The following MYH9 variants were observed in gnomAD, a reference collection of about 807,000 sequenced individuals.
MYH9 encodes myosin-9.
In MYH9, 29 loss-of-function variants were observed where a neutral mutation model predicts 241.9. That is an observed-to-expected ratio of 0.12 (90% CI 0.09 to 0.16). The LOEUF (loss-of-function observed/expected upper bound fraction) is 0.16. Among genes scored for constraint, MYH9 ranks in the 10% least tolerant of loss-of-function variants. The probability of loss-of-function intolerance (pLI) is 1.00; values close to 1 mark genes in which losing one functional copy is unlikely to be tolerated. For missense variants in MYH9, 1,803 were observed against 2,595.5 expected, an observed-to-expected ratio of 0.69 and a Z score of 6.63; for synonymous variants, 1,047 against 1,062.6, an observed-to-expected ratio of 0.99 and a Z score of 0.29.
At chr22:36,340,722 G>T (rs899694394) in intron 3 of MYH9, among the ~76,000 whole-genome samples, 1 of 152,026 alleles carries the variant, frequency 6.6e-6, no homozygotes, top group South Asian at 2.1e-4. Flanking sequence ...GGGGAGAGGT[G>T]AGGTAGGAAC....
chr22:36,328,658 T>C (rs992989662), intron 3 of MYH9, among the ~76,000 whole-genome samples: 2 of 152,248 alleles, frequency 1.3e-5, no homozygotes, highest in Admixed American at 1.3e-4. Context: ...AAACGGTTGC[T>C]GTCTATACCG....
intron 24 of MYH9, 96 bp downstream of exon 24, chr22:36,298,823 G>T: frequency 6.4e-7 from 1 of 1,573,484 alleles, no homozygotes; most frequent in East Asian, 2.2e-5. Flanking sequence ...CGTGAGCTGA[G>T]AAGGCCTCGG....
rs56327920 is a variant in MYH9, at chr22:36,285,117, G to C, written c.5483+4C>G. Reference sequence around the variant, plus strand: ...TGGGGTTGGGCGGGGCCAGGGGCACGTACTTGGTCTCGTTGTCCAGCTGCT... The same window carrying C: ...TGGGGTTGGGCGGGGCCAGGGGCACCTACTTGGTCTCGTTGTCCAGCTGCT... On this transcript the variant is annotated splice_donor_region_variant and intron_variant, in intron 38 of 40. Coordinates refer to ENST00000216181, the MANE Select transcript of MYH9 (RefSeq NM_002473.6). The surrounding 1 kb of genome is among the most constrained non-coding windows in gnomAD (Gnocchi z 7.0). 32,323 of 1,613,594 alleles carry C rather than the reference G, an allele frequency of 0.02. 387 individuals carry two copies. The highest frequency in any genetic ancestry group is 0.023 in the Non-Finnish European group (27,636 of 1,179,862).
chr22:36,325,217 T>C, intron 5 of MYH9: 1 of 672,718 alleles, frequency 1.5e-6, no homozygotes, highest in Admixed American at 2.6e-5. Flanking sequence ...ACTGTATTAG[T>C]TTCTAAATAT....
chr22:36,301,690 A>T, intron 20 of MYH9, 25 bp from the exon 21 acceptor site: 1 of 1,611,186 alleles, frequency 6.2e-7, no homozygotes, highest in Non-Finnish European at 8.5e-7. Flanking sequence ...AGAGGTAGAG[A>T]CATGCTCGGC....
At chr22:36,302,235 T>C (rs2016889721) in intron 20 of MYH9, 3 of 282,226 alleles carry the variant, frequency 1.1e-5, no homozygotes, top group Non-Finnish European at 2.1e-5. Context: ...TTTTCGCCAT[T>C]ACCATAAATT....
At chr22:36,365,450 A>C (rs2146410410) in intron 1 of MYH9, among the ~76,000 whole-genome samples, 1 of 152,104 alleles carries the variant, frequency 6.6e-6, no homozygotes, top group South Asian at 2.1e-4. Flanking sequence ...CATTTATCTT[A>C]AGCTGTAATT....
intron 3 of MYH9, among the ~76,000 whole-genome samples, chr22:36,339,894 G>C (rs575688243): frequency 1.3e-5 from 2 of 152,138 alleles, no homozygotes; most frequent in South Asian, 4.1e-4. Context: ...AAAGAAACGT[G>C]TAAACACTGC....
chr22:36,296,824 G>A lies in MYH9; in HGVS notation c.3272+19C>T, dbSNP rs984743795. On this transcript the variant is annotated intron_variant, in intron 25 of 40. Coordinates refer to ENST00000216181, the MANE Select transcript of MYH9 (RefSeq NM_002473.6). ...TGGCCCAGGCCACCTGGCCTCAGGC[G>A]GGCAGGCGGGGTCCTCACCTGGCCA... 9.4e-6 allele frequency: 15 copies of A among 1,593,834 alleles called. No individual in the cohort carries two copies. The highest frequency in any genetic ancestry group is 5.1e-5 in the Admixed American group (3 of 59,202).
At chr22:36,369,365 T>G (rs1308388556) in intron 1 of MYH9, among the ~76,000 whole-genome samples, 1 of 152,214 alleles carries the variant, frequency 6.6e-6, no homozygotes. Flanking sequence ...TCATGAGCAT[T>G]TGGCATTATA....
rs112049660 is a variant in MYH9 at position 36,289,021 on chromosome 22, C to T, written c.4557+64G>A. Reference sequence around the variant, plus strand: ...CGCGACCCGGAGTCTGTGCACACACCGACCCTCTGTGATGACCCCACTCGG... The same window carrying T: ...CGCGACCCGGAGTCTGTGCACACACTGACCCTCTGTGATGACCCCACTCGG... On this transcript the variant is annotated intron_variant, in intron 32 of 40. Transcript: ENST00000216181. 4,884 of 1,612,460 alleles carry T rather than the reference C, an allele frequency of 3.0e-3. 95 individuals are homozygous for T. In the African/African-American group the frequency reaches 0.046, roughly 15 times the overall value.
chr22:36,327,685 C>T (rs2017357937), intron 3 of MYH9, among the ~76,000 whole-genome samples, 197 bp from the exon 4 acceptor site: 2 of 152,190 alleles, frequency 1.3e-5, no homozygotes, highest in African/African-American at 2.4e-5. Context: ...GCTGCTCCTG[C>T]CGCCCAGGAG....
intron 14 of MYH9, among the ~76,000 whole-genome samples, chr22:36,311,376 C>T (rs1328267723): frequency 1.3e-5 from 2 of 152,134 alleles, no homozygotes; most frequent in African/African-American, 2.4e-5. Context: ...CCTCCCCCCC[C>T]GAAACTAGGA....
intron 12 of MYH9, 77 bp downstream of exon 12, chr22:36,316,440 G>A: frequency 6.2e-7 from 1 of 1,602,800 alleles, no homozygotes; most frequent in Non-Finnish European, 8.5e-7. Context: ...ACCATGAGAA[G>A]CAGGGTTCTT....
chr22:36,322,705 C>T (rs1003088940), intron 5 of MYH9, among the ~76,000 whole-genome samples, 184 bp from the exon 6 acceptor site: 1 of 152,262 alleles, frequency 6.6e-6, no homozygotes, highest in African/African-American at 2.4e-5. Flanking sequence ...CATCCAAGTG[C>T]GGCCTTCCCG....
Position 36,293,481 on chromosome 22 carries a change from C to T in MYH9, c.3943G>A (p.Glu1315Lys). Residue 1315 changes from glutamate to lysine, a missense_variant and splice_region_variant, in exon 30 of 41, where the codon GAG becomes AAG. Transcript: ENST00000216181. This position sits in a 1 kb window ranked among gnomAD's most constrained non-coding sequence, Gnocchi z 5.1. Reference protein sequence around the residue: ...ALESQLQDTQELLQEENRQKL... With the variant: ...ALESQLQDTQKLLQEENRQKL... Reference sequence around the variant, plus strand: ...TGCCGGTTCTCCTCCTGCAGCAGCTCCTACTCGCGGGTTGAGAGGGGTGCG... The same window carrying T: ...TGCCGGTTCTCCTCCTGCAGCAGCTTCTACTCGCGGGTTGAGAGGGGTGCG... The T allele has an allele frequency of 6.2e-7, 1 of 1,613,070 alleles. No homozygotes were observed.
chr22:36,283,393 C>T (rs1461730448), intron 40 of MYH9, among the ~76,000 whole-genome samples: 1 of 151,706 alleles, frequency 6.6e-6, no homozygotes, highest in African/African-American at 2.4e-5. Flanking sequence ...AAAAATTAGC[C>T]GGGCATAGTG....
intron 5 of MYH9, among the ~76,000 whole-genome samples, chr22:36,325,970 G>A (rs1323966970): frequency 3.3e-5 from 5 of 152,222 alleles, no homozygotes; most frequent in African/African-American, 1.2e-4. Flanking sequence ...AAGGGCACAC[G>A]ATGGGCAGAA....
Position 36,316,508 on chromosome 22 carries a change from A to C in MYH9, c.1380+9T>G. The C allele has an allele frequency of 6.2e-7, 1 of 1,614,116 alleles. No individual in the cohort carries two copies. Among genetic ancestry groups the C allele is most frequent in the Non-Finnish European group, 8.5e-7 (1 of 1,180,028 alleles). ...GGCAGCAGGGTGGGTAATGAAGGGCAAGGCTCACATCAAAGATCTCGAAGC... is the reference window on the plus strand; with the variant it reads ...GGCAGCAGGGTGGGTAATGAAGGGCCAGGCTCACATCAAAGATCTCGAAGC... On this transcript the variant is annotated intron_variant, in intron 12 of 40. Coordinates refer to ENST00000216181, the MANE Select transcript of MYH9 (RefSeq NM_002473.6).
Sources: allele counts gnomAD v4.1 joint callset (sites outside exome capture counted in the v4.1 genomes callset), GRCh38; gene constraint gnomAD v4.1.1; non-coding constraint Gnocchi (gnomAD v3.1); transcripts MANE v1.5; gene names NCBI Gene and HGNC (gene_info 2026-07-23, HGNC 2026-07-21).